PES1: variants seen among roughly 807,000 people sequenced by gnomAD.
PES1 encodes the protein pescadillo ribosomal biogenesis factor 1.
In PES1, 31 loss-of-function variants were observed where a neutral mutation model predicts 77.1. The ratio of observed to expected loss-of-function variants is 0.40; its 90% confidence interval spans 0.30 to 0.54. The LOEUF (loss-of-function observed/expected upper bound fraction) is 0.54, where lower values mean the gene tolerates loss of function less well. PES1 is among the 20% of genes least tolerant of loss of function. PES1 has a pLI of 0.45. For missense variants in PES1, 658 were observed against 771.7 expected (o/e 0.85, Z 1.75); for synonymous variants, 282 against 303.0 (o/e 0.93, Z 0.72).
chr22:30,580,311 C>A, intron 10 of PES1, 133 bp from the exon 11 acceptor site: 1 of 1,200,242 alleles, frequency 8.3e-7, no homozygotes, highest in East Asian at 2.5e-5. Flanking sequence ...CCTCCTCACC[C>A]CAGGATCCTT....
chr22:30,592,318 G>A (rs1236703095), upstream of PES1: 4 of 990,948 alleles, frequency 4.0e-6, no homozygotes, highest in Non-Finnish European at 4.8e-6. Context: ...CTGCTGAGAA[G>A]CGGTTCCCGA....
upstream of PES1, among the ~76,000 whole-genome samples, chr22:30,593,899 T>G (rs751443698): frequency 2.0e-5 from 3 of 152,234 alleles, no homozygotes; most frequent in Non-Finnish European, 4.4e-5. Context: ...CAGAGTCCTC[T>G]GCTAAACTCA....
upstream of PES1, chr22:30,592,113 C>T: frequency 7.9e-7 from 1 of 1,270,688 alleles, no homozygotes; most frequent in South Asian, 2.6e-5. Flanking sequence ...CGTGGATATA[C>T]AGGCTTTTCT....
At chr22:30,600,599 G>T (rs189249810) in intron 2 of PES1, among the ~76,000 whole-genome samples, 5 of 152,154 alleles carry the variant, frequency 3.3e-5, no homozygotes, top group Admixed American at 2.6e-4. Context: ...GGTGGATCAC[G>T]AGGTCAGGAG....
rs761643665 is a variant in PES1, at chr22:30,598,912, T to TTTTTA, written c.-660-6515_-660-6514insTAAAA. Among the ~76,000 whole-genome samples, 40 of 116,424 alleles carry TTTTTA rather than the reference T, an allele frequency of 3.4e-4. 8 individuals are homozygous for TTTTTA. Among genetic ancestry groups the TTTTTA allele is most frequent in the African/African-American group, 1.1e-3 (31 of 29,384 alleles). The allele number at this position is 116,424 out of a possible 152,430, so 76.4% of individuals were successfully genotyped here. A position where few individuals can be genotyped will look rare whatever the true frequency, so the allele number is the denominator to read the frequency against. On this transcript the variant is annotated intron_variant, in intron 2 of 16. Coordinates refer to the PES1 transcript ENST00000402281. Reference sequence around the variant, plus strand: ...TTTTTTTTTTTTTTTTTTTTTTTTTTTTGAGATGGAGTCCTGCTCTGTCAT... The same window carrying TTTTTA: ...TTTTTTTTTTTTTTTTTTTTTTTTTTTTTTATTGAGATGGAGTCCTGCTCTGTCAT...
Position 30,588,168 on chromosome 22 carries a change from C to T in PES1, c.111G>A (p.Leu37=), listed in dbSNP as rs1401785252. The change falls in exon 3 of 15, where the codon CTG becomes CTA. Residue 37 remains leucine, a synonymous_variant. Coordinates refer to ENST00000354694, the MANE Select transcript of PES1 (RefSeq NM_014303.4). ...LQLSLADFRR[L]CILKGIYPHE... is the part of the protein sequence containing the mutation. Reference sequence around the variant, plus strand: ...GGGGATAAATGCCCTTCAGAATGCACAGCCGCCTGGAAGACAGAGGCCATC... The same window carrying T: ...GGGGATAAATGCCCTTCAGAATGCATAGCCGCCTGGAAGACAGAGGCCATC... 3 of 1,614,190 alleles carry T rather than the reference C, an allele frequency of 1.9e-6. No individual in the cohort carries two copies. In the South Asian group the frequency reaches 3.3e-5, roughly 18 times the overall value.
chr22:30,592,388 C>A, upstream of PES1: 1 of 987,706 alleles, frequency 1.0e-6, no homozygotes, highest in Non-Finnish European at 1.2e-6. Flanking sequence ...GGTTCATTCG[C>A]GGTTATGCGG....
At chr22:30,587,504 C>A in intron 3 of PES1, 109 bp from the exon 4 acceptor site, 1 of 772,816 alleles carries the variant, frequency 1.3e-6, no homozygotes, top group Non-Finnish European at 2.1e-6. Flanking sequence ...CCTCCTGAAG[C>A]TGGCCACGGC....
upstream of PES1, among the ~76,000 whole-genome samples, chr22:30,595,592 G>T (rs2087242542): frequency 6.6e-6 from 1 of 151,514 alleles, no homozygotes; most frequent in African/African-American, 2.4e-5. Flanking sequence ...TTCCCAGCTG[G>T]GTTCCCATCA....
intron 2 of PES1, among the ~76,000 whole-genome samples, chr22:30,588,541 G>C (rs1447223674): frequency 6.6e-6 from 1 of 152,184 alleles, no homozygotes; most frequent in African/African-American, 2.4e-5. Flanking sequence ...ACTTTGGAAG[G>C]CTGAGGCAGG....
chr22:30,605,610 G>T, intron 1 of PES1: 1 of 326,848 alleles, frequency 3.1e-6, no homozygotes, highest in Non-Finnish European at 4.4e-6. Flanking sequence ...TGGCTCCATT[G>T]CACACACTTC....
upstream of PES1, chr22:30,592,421 A>G (rs1602022618): frequency 1.0e-6 from 1 of 985,774 alleles, no homozygotes; most frequent in East Asian, 1.1e-4. Flanking sequence ...AAAGGAAGAC[A>G]TTTTTCCTCG....
intron 1 of PES1, 113 bp downstream of exon 1, chr22:30,591,697 T>C: frequency 8.1e-7 from 1 of 1,236,448 alleles, no homozygotes; most frequent in Non-Finnish European, 1.1e-6. Context: ...TACGGTCACG[T>C]CGATCCCGTC....
chr22:30,583,777 A>G (rs2087021808), intron 6 of PES1, among the ~76,000 whole-genome samples: 1 of 152,238 alleles, frequency 6.6e-6, no homozygotes, highest in Non-Finnish European at 1.5e-5. Flanking sequence ...AGAAAAAGAA[A>G]ACAATATATG....
At chr22:30,604,840 G>A (rs2087413083) in intron 2 of PES1, among the ~76,000 whole-genome samples, 2 of 152,036 alleles carry the variant, frequency 1.3e-5, no homozygotes, top group African/African-American at 4.8e-5. Flanking sequence ...CTCTTTGGGA[G>A]GCTGAGACAG....
At chr22:30,587,087 C>T (rs947695313) in intron 4 of PES1, 199 bp downstream of exon 4, 1 of 556,422 alleles carries the variant, frequency 1.8e-6, no homozygotes, top group Non-Finnish European at 3.2e-6. Context: ...CCTTCAGAGA[C>T]CCCTCTGACA....
At chr22:30,579,341 C>T in intron 12 of PES1, 38 bp from the exon 13 acceptor site, 1 of 1,599,214 alleles carries the variant, frequency 6.3e-7, no homozygotes, top group Non-Finnish European at 8.5e-7. Flanking sequence ...CCCTGGGAAT[C>T]TACTGTCTCT....
chr22:30,606,672 TG>T (rs2087450261), intron 1 of PES1: 1 of 143,624 alleles, frequency 7.0e-6, no homozygotes. Context: ...TCCCCTCAAT[TG>T]CCCAACTCCC....
chr22:30,578,438 G>A (rs2086933118), intron 14 of PES1, among the ~76,000 whole-genome samples: 1 of 152,142 alleles, frequency 6.6e-6, no homozygotes, highest in Non-Finnish European at 1.5e-5. Context: ...AGGGTTCCAG[G>A]GTGCATGAGT....
Sources: gnomAD v4.1 joint callset for allele counts (sites outside exome capture counted in the v4.1 genomes callset) on GRCh38, gnomAD v4.1.1 for gene constraint, MANE v1.5 for transcripts, NCBI Gene and HGNC (gene_info 2026-07-23, HGNC 2026-07-21) for gene names.